The following PTPN4 variants were observed in gnomAD, a reference collection of about 807,000 sequenced individuals.
PTPN4 encodes the protein protein tyrosine phosphatase non-receptor type 4.
PTPN4 carries 49 observed loss-of-function variants against 135.5 expected under a neutral mutation model. The observed-to-expected ratio is 0.36, with a 90% CI of 0.29 to 0.46. PTPN4 has a LOEUF of 0.46. PTPN4 is among the 20% of genes least tolerant of loss of function. PTPN4 has a pLI of 1.00. For synonymous variants in PTPN4, 333 were observed against 369.9 expected, an observed-to-expected ratio of 0.90 and a Z score of 1.14; for missense variants, 860 against 1,101.0, an observed-to-expected ratio of 0.78 and a Z score of 3.10.
chr2:119,806,061 A>C (rs896057542), intron 1 of PTPN4, among the ~76,000 whole-genome samples: 8 of 152,196 alleles, frequency 5.3e-5, no homozygotes, highest in Non-Finnish European at 1.0e-4. Context: ...CCTGGCTTAC[A>C]AGAGCTCCCG....
chr2:119,809,933 C>T lies in PTPN4; in HGVS notation c.80C>T (p.Thr27Ile), dbSNP rs1691549071. The T allele has an allele frequency of 6.2e-7, 1 of 1,613,600 alleles. No individual in the cohort carries two copies. The highest frequency in any genetic ancestry group is 8.5e-7 in the Non-Finnish European group (1 of 1,179,764). Residue 27 changes from threonine (T) to isoleucine (I), a missense_variant, in exon 2 of 27, where the codon ACT (threonine) becomes ATT (isoleucine). By Grantham distance (89) the Thr-to-Ile change is moderately conservative. Transcript: ENST00000263708. ...GAGTTGGCCCGAGACAGACAGCATA[C>T]TGAAGTGGTTTGCAACATCCTTCTT... The part of the protein sequence containing the change: ...ASELARDRQH[T>I]EVVCNILLLD...
chr2:119,770,855 T>A (rs1371250222), intron 1 of PTPN4, among the ~76,000 whole-genome samples: 1 of 152,052 alleles, frequency 6.6e-6, no homozygotes, highest in Non-Finnish European at 1.5e-5. Context: ...CCTGCCTGAC[T>A]TTTCTGTATC....
At chr2:119,766,652 G>A (rs183365347) in intron 1 of PTPN4, among the ~76,000 whole-genome samples, 1 of 152,156 alleles carries the variant, frequency 6.6e-6, no homozygotes, top group Non-Finnish European at 1.5e-5. Context: ...GTTTTGAAAG[G>A]TAACTCCTGA....
chr2:119,852,750 A>G (rs1677611108), intron 2 of PTPN4, among the ~76,000 whole-genome samples: 1 of 151,522 alleles, frequency 6.6e-6, no homozygotes, highest in African/African-American at 2.4e-5. Flanking sequence ...CCTTTTTTTA[A>G]TGTAACATTT....
chr2:119,810,401 A>G (rs548719734), intron 2 of PTPN4, among the ~76,000 whole-genome samples: 2 of 152,326 alleles, frequency 1.3e-5, no homozygotes, highest in South Asian at 4.1e-4. Context: ...ATCGTCTGAA[A>G]TATTTATTTA....
chr2:119,845,890 A>C (rs1677491403), intron 2 of PTPN4, among the ~76,000 whole-genome samples: 1 of 152,000 alleles, frequency 6.6e-6, no homozygotes, highest in African/African-American at 2.4e-5. Context: ...TGTTATCTTC[A>C]TTTTCATTTA....
chr2:119,980,497 A>G lies in PTPN4; in HGVS notation c.*3427A>G, dbSNP rs1158741748. 1 of 151,940 alleles carries G rather than the reference A, an allele frequency of 6.6e-6. No individual in the cohort carries two copies. The highest frequency in any genetic ancestry group is 1.5e-5 in the Non-Finnish European group (1 of 67,908). 9.4% of individuals were successfully genotyped at this position (151,940 alleles called of 1,614,324 possible). On this transcript the variant is annotated 3_prime_UTR_variant, in exon 27 of 27. Transcript: ENST00000263708. ...TCGGCATTAGGAAATAGGGTTCAGC[A>G]ATGGTTATTGATTTAGCAGTCTGGT...
At chr2:119,777,459 T>C (rs79301073) in intron 1 of PTPN4, among the ~76,000 whole-genome samples, 1 of 152,326 alleles carries the variant, frequency 6.6e-6, no homozygotes, top group Non-Finnish European at 1.5e-5. Flanking sequence ...CAAGGACCTT[T>C]ATCTTGTTTT....
chr2:119,808,089 G>T (rs869105834), intron 1 of PTPN4, among the ~76,000 whole-genome samples: 1 of 152,104 alleles, frequency 6.6e-6, no homozygotes, highest in African/African-American at 2.4e-5. Context: ...AATAATAAGA[G>T]CTATTTATGA....
At chr2:119,766,534 G>C (rs924573337) in intron 1 of PTPN4, among the ~76,000 whole-genome samples, 3 of 151,180 alleles carry the variant, frequency 2.0e-5, no homozygotes, top group Non-Finnish European at 4.4e-5. Context: ...GTGCCCTTGC[G>C]TTACTGGTGC....
chr2:119,966,613 A>C (rs542832817), intron 25 of PTPN4, among the ~76,000 whole-genome samples: 1 of 152,292 alleles, frequency 6.6e-6, no homozygotes, highest in Non-Finnish European at 1.5e-5. Context: ...TAGGAATTTT[A>C]TGGGACACAT....
chr2:119,943,695 C>T (rs1679094351), intron 15 of PTPN4, among the ~76,000 whole-genome samples: 1 of 144,100 alleles, frequency 6.9e-6, no homozygotes. Context: ...ACGCCATTCT[C>T]CTGCCTCAGC....
intron 24 of PTPN4, among the ~76,000 whole-genome samples, chr2:119,964,648 A>G (rs1376036858): frequency 6.6e-6 from 1 of 152,152 alleles, no homozygotes; most frequent in Non-Finnish European, 1.5e-5. Flanking sequence ...ATCATCTTTA[A>G]AATACTTTAC....
intron 10 of PTPN4, 132 bp downstream of exon 10, chr2:119,900,938 C>A: frequency 2.1e-6 from 1 of 487,056 alleles, no homozygotes; most frequent in Non-Finnish European, 3.5e-6. Context: ...ATACTTTATC[C>A]CACTTAGTTA....
chr2:119,952,176 G>A (rs1651389643), intron 19 of PTPN4, 47 bp downstream of exon 19: 17 of 1,500,322 alleles, frequency 1.1e-5, no homozygotes, highest in Non-Finnish European at 1.4e-5. Flanking sequence ...ATTTATTACT[G>A]TTCATTACTG....
At chr2:119,917,040 T>C (rs1203146959) in intron 11 of PTPN4, among the ~76,000 whole-genome samples, 2 of 152,236 alleles carry the variant, frequency 1.3e-5, no homozygotes, top group East Asian at 3.8e-4. Context: ...AGGACAAATA[T>C]TTTACTTTAA....
At chr2:119,848,006 A>T (rs1026453344) in intron 2 of PTPN4, among the ~76,000 whole-genome samples, 7 of 149,248 alleles carry the variant, frequency 4.7e-5, no homozygotes, top group Non-Finnish European at 8.9e-5. Flanking sequence ...TGCTTTCAAG[A>T]TATTCTTTGT....
rs1354597933 is a variant in PTPN4, at chr2:119,903,038, A to G, written c.764+2232A>G. On this transcript the variant is annotated intron_variant, in intron 10 of 26. Coordinates refer to ENST00000263708, the MANE Select transcript of PTPN4 (RefSeq NM_002830.4). ...CTCCATGTCCACACAGAGGGCTGCA[A>G]AGTTGCAAGACTTAACTGCACCCAG... 2.6e-5 allele frequency among the ~76,000 whole-genome samples: 4 copies of G among 152,134 alleles called. No individual in the cohort carries two copies. In the East Asian group the frequency reaches 7.7e-4, roughly 29 times the overall value.
intron 1 of PTPN4, among the ~76,000 whole-genome samples, chr2:119,784,005 T>C (rs1311226182): frequency 7.2e-6 from 1 of 139,324 alleles, no homozygotes; most frequent in Non-Finnish European, 1.6e-5. Context: ...TGGGCTCAGC[T>C]GGGACTGTTG....
Sources: allele counts gnomAD v4.1 joint callset (sites outside exome capture counted in the v4.1 genomes callset), GRCh38; gene constraint gnomAD v4.1.1; transcripts MANE v1.5; gene names NCBI Gene and HGNC (gene_info 2026-07-23, HGNC 2026-07-21).